DLC1: variants seen among roughly 807,000 people sequenced by gnomAD.
DLC1 encodes the protein DLC1 Rho GTPase activating protein.
A neutral mutation model predicts 140.3 loss-of-function variants in DLC1; 54 were observed. The ratio of observed to expected loss-of-function variants is 0.38; its 90% CI spans 0.31 to 0.48. The LOEUF (loss-of-function observed/expected upper bound fraction) is 0.48, where lower values mean the gene tolerates loss of function less well. DLC1 is among the 20% of genes least tolerant of loss of function. The pLI is 0.96. For missense variants in DLC1, 2,536 were observed against 1,907.0 expected, an observed-to-expected ratio of 1.33 and a Z score of -6.14; for synonymous variants, 986 against 728.1, an observed-to-expected ratio of 1.35 and a Z score of -5.70.
chr8:13,363,688 A>G (rs1400344805), intron 4 of DLC1, among the ~76,000 whole-genome samples: 1 of 152,192 alleles, frequency 6.6e-6, no homozygotes, highest in Non-Finnish European at 1.5e-5. Flanking sequence ...AAGGAAAAAA[A>G]TCACCAGCAT....
intron 5 of DLC1, among the ~76,000 whole-genome samples, chr8:13,170,332 T>G (rs1372781171): frequency 2.0e-5 from 3 of 152,200 alleles, no homozygotes; most frequent in Non-Finnish European, 4.4e-5. Flanking sequence ...AGAAAATCCA[T>G]TAAACACTCT....
At chr8:13,287,983 A>T (rs1279312507) in intron 5 of DLC1, among the ~76,000 whole-genome samples, 5 of 152,092 alleles carry the variant, frequency 3.3e-5, no homozygotes, top group Non-Finnish European at 7.3e-5. Flanking sequence ...TAGTTCTTTA[A>T]ATTCATACGT....
At position 13,427,975 on chromosome 8, in the gene DLC1, G is replaced by A. The variant is rs112648061; in HGVS notation, c.1024-26356C>T. On this transcript the variant is annotated intron_variant, in intron 2 of 17. Transcript: ENST00000276297. ...ACCATCTGGCCAGAAATCCAGTTAC[G>A]GTGTTCCAGTTTGCTTGCAGAGAGA... Among the ~76,000 whole-genome samples, 180 of 152,198 alleles carry A rather than the reference G, an allele frequency of 1.2e-3. 1 individual carries two copies. The highest frequency in any genetic ancestry group is 3.9e-3 in the African/African-American group (162 of 41,536).
chr8:13,261,372 G>A (rs1830460898), intron 5 of DLC1, among the ~76,000 whole-genome samples: 1 of 152,182 alleles, frequency 6.6e-6, no homozygotes, highest in African/African-American at 2.4e-5. Flanking sequence ...GATAGAAGAA[G>A]GTGAAGTGGG....
At chr8:13,113,212 A>G (rs1180305666) in intron 6 of DLC1, among the ~76,000 whole-genome samples, 1 of 152,224 alleles carries the variant, frequency 6.6e-6, no homozygotes, top group Non-Finnish European at 1.5e-5. Context: ...ATGTTCTCTG[A>G]ACTCAACTTC....
At chr8:13,503,792 A>C (rs891650919) in intron 1 of DLC1, among the ~76,000 whole-genome samples, 1 of 152,216 alleles carries the variant, frequency 6.6e-6, no homozygotes, top group Admixed American at 6.5e-5. Flanking sequence ...TTGCTACTGA[A>C]GCTTACCAAT....
chr8:13,557,538 C>G (rs1804091541), intron 1 of DLC1: 1 of 152,206 alleles, frequency 6.6e-6, no homozygotes, highest in African/African-American at 2.4e-5. Context: ...GTGATTGGAT[C>G]ATGGGGGTGG....
intron 5 of DLC1, among the ~76,000 whole-genome samples, chr8:13,262,863 T>C (rs929515950): frequency 3.3e-5 from 5 of 152,186 alleles, no homozygotes; most frequent in African/African-American, 1.2e-4. Context: ...AGGCAGTAGT[T>C]TGAACTTCAA....
chr8:13,444,484 C>T (rs550555553), intron 2 of DLC1, among the ~76,000 whole-genome samples: 32 of 152,242 alleles, frequency 2.1e-4, no homozygotes, highest in African/African-American at 7.5e-4. Flanking sequence ...AAGAAGGTCA[C>T]ATTAAATGAG....
intron 2 of DLC1, among the ~76,000 whole-genome samples, chr8:13,412,212 A>T (rs755616607): frequency 4.6e-5 from 7 of 152,248 alleles, no homozygotes; most frequent in Non-Finnish European, 1.5e-5. Flanking sequence ...ATCACTGGTA[A>T]TTAAAACAAT....
At chr8:13,402,320 G>A (rs929573127) in intron 2 of DLC1, among the ~76,000 whole-genome samples, 1 of 152,190 alleles carries the variant, frequency 6.6e-6, no homozygotes, top group Non-Finnish European at 1.5e-5. Flanking sequence ...AGTAGCTAAA[G>A]CTTCTCATAG....
chr8:13,092,526 G>C, intron 13 of DLC1, 86 bp downstream of exon 13: 1 of 1,439,944 alleles, frequency 6.9e-7, no homozygotes, highest in Non-Finnish European at 9.5e-7. Flanking sequence ...TTTCAGGAAA[G>C]AGTCCCACAA....
intron 4 of DLC1, among the ~76,000 whole-genome samples, chr8:13,356,587 G>A (rs1834953302): frequency 6.6e-6 from 1 of 152,102 alleles, no homozygotes; most frequent in South Asian, 2.1e-4. Context: ...CCAAATGATT[G>A]CATAATACTT....
intron 1 of DLC1, among the ~76,000 whole-genome samples, chr8:13,600,143 T>C (rs575335380): frequency 1.3e-5 from 2 of 151,988 alleles, no homozygotes; most frequent in Admixed American, 1.3e-4. Context: ...ATTCTGAGTA[T>C]AAGGGGCCCC....
intron 5 of DLC1, among the ~76,000 whole-genome samples, chr8:13,229,270 A>C (rs1381898165): frequency 6.6e-6 from 1 of 152,188 alleles, no homozygotes; most frequent in South Asian, 2.1e-4. Context: ...GAAATACAAT[A>C]TTGATCCACG....
chr8:13,491,791 G>C (rs937567455), intron 2 of DLC1, among the ~76,000 whole-genome samples: 2 of 152,148 alleles, frequency 1.3e-5, no homozygotes, highest in South Asian at 4.1e-4. Context: ...TGTGGCCAAT[G>C]GTGGTGGTTG....
At position 13,208,175 on chromosome 8, in the gene DLC1, T is replaced by C. The variant is rs142137526; in HGVS notation, c.1349-92518A>G. Among the ~76,000 whole-genome samples the C allele has an allele frequency of 3.8e-3, 579 of 152,306 alleles. 3 individuals are homozygous for C. The highest frequency in any genetic ancestry group is 0.013 in the African/African-American group (541 of 41,576). On this transcript the variant is annotated intron_variant, in intron 5 of 17. Transcript: ENST00000276297. ...GCTTCTGTTTTTGTTGTTGGTGTTA[T>C]TGTTTTTAGGTACTAAACTGTTTAA...
intron 2 of DLC1, among the ~76,000 whole-genome samples, chr8:13,418,267 T>C (rs1838162397): frequency 6.6e-6 from 1 of 152,162 alleles, no homozygotes; most frequent in Non-Finnish European, 1.5e-5. Context: ...GCTTTTGGTG[T>C]TTTAGACATG....
intron 5 of DLC1, among the ~76,000 whole-genome samples, chr8:13,134,112 TCA>T (rs1822370339): frequency 6.6e-6 from 1 of 152,176 alleles, no homozygotes; most frequent in Non-Finnish European, 1.5e-5. Context: ...TTACAAGCTC[TCA>T]GATGATTCTG....
Sources: gnomAD v4.1 joint callset for allele counts (sites outside exome capture counted in the v4.1 genomes callset) on GRCh38, gnomAD v4.1.1 for gene constraint, MANE v1.5 for transcripts, NCBI Gene and HGNC (gene_info 2026-07-23, HGNC 2026-07-21) for gene names.